Variants in CEMIP2 observed in about 807,000 individuals in gnomAD.
The protein encoded by CEMIP2 is cell migration inducing hyaluronidase 2.
In CEMIP2, 79 loss-of-function variants were observed where a neutral mutation model predicts 146.9. The observed-to-expected ratio is 0.54, with a 90% CI of 0.45 to 0.65. The LOEUF (loss-of-function observed/expected upper bound fraction) is 0.65. Among genes scored for constraint, CEMIP2 ranks in the 30% least tolerant of loss-of-function variants. CEMIP2 has a pLI of 0.00. For missense variants in CEMIP2, 1,596 were observed against 1,696.2 expected (o/e 0.94, Z 1.04); for synonymous variants, 601 against 606.3 (o/e 0.99, Z 0.13).
chr9:71,734,964 A>G lies in CEMIP2; in HGVS notation c.1235T>C (p.Val412Ala). Residue 412 changes from valine (V) to alanine (A), a missense_variant, in exon 6 of 24, where the codon GTT becomes GCT. Transcript: ENST00000377044. ...GVSLSGFRVE[V>A]VDGVKLNLLD... ...CAAATTTAGCTTCACTCCATCTACA[A>G]CCTCTACCCGGAATCCTGAAAGAGA... The G allele has an allele frequency of 1.9e-6, 3 of 1,612,506 alleles. No homozygotes were observed. The highest frequency in any genetic ancestry group is 2.2e-5 in the East Asian group (1 of 44,828).
At chr9:71,744,892 T>C (rs1824029703) in intron 4 of CEMIP2, 126 bp downstream of exon 4, 2 of 994,112 alleles carry the variant, frequency 2.0e-6, no homozygotes, top group East Asian at 4.9e-5. Flanking sequence ...CTACCAGACA[T>C]GCAAATGGTA....
upstream of CEMIP2, among the ~76,000 whole-genome samples, chr9:71,769,041 T>A (rs1280689888): frequency 6.6e-6 from 1 of 151,928 alleles, no homozygotes; most frequent in Non-Finnish European, 1.5e-5. Context: ...TCAGCGCCAC[T>A]CGCTGCCGCG....
chr9:71,767,635 T>C (rs1404300846), intron 1 of CEMIP2, among the ~76,000 whole-genome samples: 1 of 151,972 alleles, frequency 6.6e-6, no homozygotes, highest in Non-Finnish European at 1.5e-5. Context: ...GTGTAGCCAC[T>C]AGTGCTATTA....
intron 16 of CEMIP2, among the ~76,000 whole-genome samples, chr9:71,711,475 T>C (rs1474490637): frequency 6.6e-6 from 1 of 151,622 alleles, no homozygotes; most frequent in East Asian, 1.9e-4. Flanking sequence ...GGGGCTGAGG[T>C]GGGAGGATGG....
chr9:71,761,306 TG>T (rs1452337017), intron 1 of CEMIP2, among the ~76,000 whole-genome samples: 2 of 151,980 alleles, frequency 1.3e-5, no homozygotes, highest in Non-Finnish European at 2.9e-5. Flanking sequence ...TGTTGAAAGG[TG>T]GGAAAAATGA....
intron 4 of CEMIP2, among the ~76,000 whole-genome samples, chr9:71,741,631 G>T (rs1189142945): frequency 0.055 from 4,019 of 72,840 alleles, 181 homozygotes; most frequent in South Asian, 0.18. Context: ...TTCTTTTCTG[G>T]TTTTTTTTTT....
rs1222083774 is a variant in CEMIP2 at position 71,737,166 on chromosome 9, A to AG, written c.1205-2173_1205-2172insC. Among the ~76,000 whole-genome samples the AG allele has an allele frequency of 2.3e-5, 3 of 132,534 alleles. No homozygotes were observed. In the East Asian group the frequency reaches 6.0e-4, roughly 27 times the overall value. 86.9% of individuals were successfully genotyped at this position (132,534 alleles called of 152,430 possible). On this transcript the variant is annotated intron_variant, in intron 5 of 23. Transcript: ENST00000377044. ...AGTAAGATCTTTCTCAAAAAAAAAA[A>AG]AAAAAAAGAAAGAAAGAAAGAAAAG...
chr9:71,718,728 C>T (rs556738584), intron 12 of CEMIP2, among the ~76,000 whole-genome samples: 5 of 152,120 alleles, frequency 3.3e-5, no homozygotes, highest in Admixed American at 2.0e-4. Flanking sequence ...AGGCATCCAT[C>T]GCCACACCCA....
intron 18 of CEMIP2, among the ~76,000 whole-genome samples, chr9:71,702,285 G>T (rs1831270): frequency 0.23 from 33,772 of 143,848 alleles, 4,101 homozygotes; most frequent in East Asian, 0.25. Flanking sequence ...AAAAAATATT[G>T]TTCACCTAGG....
chr9:71,768,905 C>CGGGA (rs1824887614), upstream of CEMIP2: 1 of 14,126 alleles, frequency 7.1e-5, no homozygotes, highest in African/African-American at 2.0e-4. Context: ...ATTGGGCGGG[C>CGGGA]GGGCGGGCGG....
intron 18 of CEMIP2, among the ~76,000 whole-genome samples, chr9:71,703,028 G>A (rs1436533156): frequency 1.3e-5 from 2 of 152,098 alleles, no homozygotes; most frequent in African/African-American, 4.8e-5. Context: ...TTCTTTCATT[G>A]ACTTCTCTGC....
At chr9:71,729,456 A>G (rs1244051947) in intron 10 of CEMIP2, among the ~76,000 whole-genome samples, 1 of 151,962 alleles carries the variant, frequency 6.6e-6, no homozygotes, top group Admixed American at 6.6e-5. Context: ...CGTCTCTACT[A>G]AAAATACAGA....
intron 1 of CEMIP2, among the ~76,000 whole-genome samples, chr9:71,759,953 G>A (rs1334826471): frequency 1.3e-5 from 2 of 150,506 alleles, no homozygotes; most frequent in African/African-American, 2.4e-5. Context: ...CATATATTGC[G>A]GTGAAGTATT....
chr9:71,729,791 A>G, intron 10 of CEMIP2, 54 bp downstream of exon 10: 1 of 1,550,928 alleles, frequency 6.4e-7, no homozygotes, highest in Non-Finnish European at 8.9e-7. Context: ...AAACCAGACT[A>G]TTTATAAACA....
chr9:71,762,513 A>G (rs1824666062), intron 1 of CEMIP2, among the ~76,000 whole-genome samples: 1 of 150,902 alleles, frequency 6.6e-6, no homozygotes. Context: ...CAAAAAAAAA[A>G]AAAAAAAAAA....
intron 22 of CEMIP2, chr9:71,686,865 TG>T (rs1370279123): frequency 6.6e-6 from 1 of 152,182 alleles, no homozygotes; most frequent in Non-Finnish European, 1.5e-5. Flanking sequence ...CATGGGAGAA[TG>T]GTTTTGTTTT....
chr9:71,746,480 C>T, intron 2 of CEMIP2, 139 bp from the exon 3 acceptor site: 2 of 891,626 alleles, frequency 2.2e-6, no homozygotes, highest in Non-Finnish European at 3.3e-6. Context: ...GAATGGAAAT[C>T]CCACGCCTTC....
At position 71,716,604 on chromosome 9, in the gene CEMIP2, A is replaced by C. The variant is rs1422739837; in HGVS notation, c.2400-52T>G. Reference sequence around the variant, plus strand: ...ATTTTAATTTACCATATTATGTAAAAAGAGGTAATTCTCTCAATATTTAAT... The same window carrying C: ...ATTTTAATTTACCATATTATGTAAACAGAGGTAATTCTCTCAATATTTAAT... On this transcript the variant is annotated intron_variant, in intron 13 of 23. Transcript: ENST00000377044. 6.4e-6 allele frequency: 9 copies of C among 1,413,030 alleles called. No individual in the cohort carries two copies. The African/African-American group carries it at 1.3e-4, about 20-fold the overall frequency. The allele number at this position is 1,413,030 out of a possible 1,614,324, so 87.5% of individuals were successfully genotyped here.
At chr9:71,724,634 C>A (rs1322710938) in intron 11 of CEMIP2, among the ~76,000 whole-genome samples, 1 of 152,078 alleles carries the variant, frequency 6.6e-6, no homozygotes, top group Non-Finnish European at 1.5e-5. Flanking sequence ...CAAAATAAAC[C>A]AAATGTATTT....
Sources: gnomAD v4.1 joint callset for allele counts (sites outside exome capture counted in the v4.1 genomes callset) on GRCh38, gnomAD v4.1.1 for gene constraint, MANE v1.5 for transcripts, NCBI Gene and HGNC (gene_info 2026-07-23, HGNC 2026-07-21) for gene names.